Variants in UPP2 observed in about 807,000 individuals in gnomAD.
UPP2 encodes UPase 2.
In UPP2, 23 loss-of-function variants were observed where a neutral mutation model predicts 26.7. That is an observed-to-expected ratio of 0.86 (90% CI 0.62 to 1.22). The LOEUF (loss-of-function observed/expected upper bound fraction) is 1.22, where lower values mean the gene tolerates loss of function less well. Among genes scored for constraint, UPP2 ranks in the 50% most tolerant of loss-of-function variants. The probability of loss-of-function intolerance (pLI) is 0.00; values close to 1 mark genes in which losing one functional copy is unlikely to be tolerated. For missense variants in UPP2, 387 were observed against 396.7 expected (o/e 0.98, Z 0.21); for synonymous variants, 127 against 141.3 (o/e 0.90, Z 0.72).
At chr2:158,063,555 C>T (rs1682385957) in intron 3 of UPP2, among the ~76,000 whole-genome samples, 1 of 152,074 alleles carries the variant, frequency 6.6e-6, no homozygotes, top group Admixed American at 6.5e-5. Context: ...GCCTCTGCCA[C>T]TGCTGCCTGG....
chr2:158,112,989 A>G (rs1683351707), intron 2 of UPP2, among the ~76,000 whole-genome samples: 2 of 152,178 alleles, frequency 1.3e-5, no homozygotes, highest in Admixed American at 6.5e-5. Context: ...CTTAAGGTCA[A>G]TGTTGGTTGG....
chr2:158,134,903 G>A lies in UPP2; in HGVS notation c.*13G>A. 1 of 1,607,568 alleles carries A rather than the reference G, an allele frequency of 6.2e-7. No homozygotes were observed. The highest frequency in any genetic ancestry group is 1.1e-5 in the South Asian group (1 of 89,972). ...ACTTTGTGACTAGACGTCCTAACTG[G>A]GCAGCCCAACCCTCCCCTGCAAGTT... is the stretch of plus-strand genomic sequence containing the variant. On this transcript the variant is annotated 3_prime_UTR_variant, in exon 7 of 7. Transcript: ENST00000005756.
intron 3 of UPP2, among the ~76,000 whole-genome samples, chr2:158,017,115 A>T (rs1014141409): frequency 1.4e-4 from 21 of 152,218 alleles, no homozygotes; most frequent in Admixed American, 1.4e-3. Context: ...TTAAAAAAAC[A>T]TAAAGGCAGT....
rs62175550 is a variant in UPP2, at chr2:158,016,337, A to C, written c.147+451A>C. Among the ~76,000 whole-genome samples, 1,013 of 151,952 alleles carry C rather than the reference A, an allele frequency of 6.7e-3. 9 individuals carry two copies. The highest frequency in any genetic ancestry group is 0.01 in the Non-Finnish European group (698 of 67,954). On this transcript the variant is annotated intron_variant, in intron 3 of 9. Transcript: ENST00000605860. ...TATATTAGCAAAAAAAATTCTTGTG[A>C]ATTAGATGATTTTTTTTTTTGAGAC...
intron 3 of UPP2, among the ~76,000 whole-genome samples, chr2:158,051,124 TA>T (rs560796731): frequency 4.1e-5 from 6 of 147,756 alleles, no homozygotes; most frequent in Non-Finnish European, 6.0e-5. Context: ...CCATAAAAAT[TA>T]AAAAAAAATC....
intron 3 of UPP2, among the ~76,000 whole-genome samples, chr2:158,020,405 C>T (rs1683731112): frequency 6.6e-6 from 1 of 152,224 alleles, no homozygotes; most frequent in African/African-American, 2.4e-5. Flanking sequence ...CAAGTGCGGA[C>T]ATGATGATGA....
chr2:158,040,920 C>G (rs1390226720), intron 3 of UPP2, among the ~76,000 whole-genome samples: 1 of 152,174 alleles, frequency 6.6e-6, no homozygotes, highest in East Asian at 1.9e-4. Context: ...ACAGAATTTT[C>G]TCCTTTACAA....
At position 158,134,795 on chromosome 2, in the gene UPP2, A is replaced by C. The variant is rs1683896906; in HGVS notation, c.859A>C (p.Ile287Leu). Residue 287 changes from isoleucine to leucine, a missense_variant, in exon 7 of 7, where the codon ATC (isoleucine) becomes CTC (leucine). Transcript: ENST00000005756. ...TLLDRLDCDQ[I>L]NLPHDVLVEY... Reference sequence around the variant, plus strand: ...TCTCGACAGACTCGACTGTGATCAGATCAACTTGCCTCATGATGTCCTGGT... The same window carrying C: ...TCTCGACAGACTCGACTGTGATCAGCTCAACTTGCCTCATGATGTCCTGGT... The C allele has an allele frequency of 2.5e-6, 4 of 1,613,778 alleles. No homozygotes were observed. Among genetic ancestry groups the C allele is most frequent in the Non-Finnish European group, 3.4e-6 (4 of 1,179,816 alleles).
At chr2:158,017,444 A>T (rs1260405008) in intron 3 of UPP2, among the ~76,000 whole-genome samples, 3 of 152,140 alleles carry the variant, frequency 2.0e-5, no homozygotes, top group African/African-American at 7.2e-5. Context: ...AGGAGCAGGG[A>T]TGCATCTTGA....
chr2:158,129,941 G>A (rs1159785706), intron 6 of UPP2, among the ~76,000 whole-genome samples: 1 of 151,978 alleles, frequency 6.6e-6, no homozygotes, highest in Non-Finnish European at 1.5e-5. Context: ...GTGTGTATGG[G>A]TTTTTATTGT....
intron 3 of UPP2, among the ~76,000 whole-genome samples, chr2:158,028,879 T>A (rs1683876565): frequency 6.6e-6 from 1 of 152,140 alleles, no homozygotes; most frequent in South Asian, 2.1e-4. Flanking sequence ...TTCACTACCA[T>A]AAGAACAGTA....
intron 1 of UPP2, among the ~76,000 whole-genome samples, 199 bp downstream of exon 1, chr2:158,102,324 G>C (rs1683093786): frequency 1.3e-5 from 2 of 152,076 alleles, no homozygotes; most frequent in Admixed American, 1.3e-4. Flanking sequence ...TGGTTTTGGG[G>C]GTTAGGGTTT....
intron 3 of UPP2, among the ~76,000 whole-genome samples, chr2:158,052,589 G>C (rs75206152): frequency 6.6e-6 from 1 of 152,268 alleles, no homozygotes; most frequent in Non-Finnish European, 1.5e-5. Context: ...GAGTGACATT[G>C]GTTGCCATAT....
chr2:158,000,692 T>A (rs1185557098), intron 2 of UPP2, among the ~76,000 whole-genome samples: 2 of 152,268 alleles, frequency 1.3e-5, no homozygotes, highest in East Asian at 3.8e-4. Flanking sequence ...TAGAGTCACA[T>A]GTCCATTACT....
Position 158,115,210 on chromosome 2 carries a change from G to A in UPP2, c.290G>A (p.Gly97Glu). The A allele has an allele frequency of 6.2e-7, 1 of 1,613,116 alleles. No homozygotes were observed. The highest frequency in any genetic ancestry group is 1.3e-5 in the African/African-American group (1 of 74,842). The stretch of plus-strand genomic sequence containing the variant: ...GAAGACATAAAAGACATCTGTGCTG[G>A]GACAGACAGATACTGTATGTACAAA... The part of the protein sequence containing the change: ...AEEDIKDICA[G>E]TDRYCMYKTG... The change falls in exon 3 of 7, where the codon GGG (glycine) becomes GAG (glutamate). Residue 97 changes from glycine to glutamate, a missense_variant. Coordinates refer to ENST00000005756, the MANE Select transcript of UPP2 (RefSeq NM_173355.4).
intron 4 of UPP2, among the ~76,000 whole-genome samples, chr2:158,120,054 T>C (rs1192988161): frequency 6.6e-6 from 1 of 151,654 alleles, no homozygotes; most frequent in African/African-American, 2.4e-5. Flanking sequence ...AAAAAATATT[T>C]CACCCAACAA....
At chr2:158,035,883 G>A (rs1289950081) in intron 3 of UPP2, among the ~76,000 whole-genome samples, 1 of 152,230 alleles carries the variant, frequency 6.6e-6, no homozygotes, top group Non-Finnish European at 1.5e-5. Context: ...ATCCTTACAA[G>A]CTACTGGAAT....
intron 6 of UPP2, among the ~76,000 whole-genome samples, chr2:158,129,464 C>A (rs1361373019): frequency 6.6e-6 from 1 of 152,018 alleles, no homozygotes; most frequent in Admixed American, 6.5e-5. Context: ...CTAACCTGCT[C>A]CTTGCTCAGA....
At chr2:157,997,772 CT>C (rs1190541661) in intron 2 of UPP2, among the ~76,000 whole-genome samples, 1 of 152,112 alleles carries the variant, frequency 6.6e-6, no homozygotes, top group Non-Finnish European at 1.5e-5. Flanking sequence ...TAGATCATTG[CT>C]AGGAAAACCT....
Sources: allele counts gnomAD v4.1 joint callset (sites outside exome capture counted in the v4.1 genomes callset), GRCh38; gene constraint gnomAD v4.1.1; transcripts MANE v1.5; gene names NCBI Gene and HGNC (gene_info 2026-07-23, HGNC 2026-07-21).